The following WRN variants were observed in gnomAD, a reference collection of about 807,000 sequenced individuals.
WRN encodes the protein WRN RecQ like helicase, also known as bifunctional 3'-5' exonuclease/ATP-dependent helicase WRN.
A neutral mutation model predicts 180.7 loss-of-function variants in WRN; 149 were observed. That is an observed-to-expected ratio of 0.82 (90% CI 0.72 to 0.94). WRN has a LOEUF of 0.94. Ranked by LOEUF, WRN falls within the 40% of genes least tolerant of loss-of-function variation. WRN has a pLI of 0.00. For synonymous variants in WRN, 548 were observed against 568.9 expected (o/e 0.96, Z 0.52); for missense variants, 1,661 against 1,700.1 (o/e 0.98, Z 0.40).
chr8:31,042,095 T>C (rs1234567036), intron 1 of WRN, among the ~76,000 whole-genome samples: 1 of 152,148 alleles, frequency 6.6e-6, no homozygotes, highest in African/African-American at 2.4e-5. Flanking sequence ...ATTGTTGGAA[T>C]TGAGTTTCTA....
intron 31 of WRN, among the ~76,000 whole-genome samples, chr8:31,153,378 A>G (rs1803218036): frequency 6.6e-6 from 1 of 152,092 alleles, no homozygotes; most frequent in Admixed American, 6.6e-5. Context: ...TGAATAGCCA[A>G]CAATGCTTCC....
intron 23 of WRN, among the ~76,000 whole-genome samples, chr8:31,125,321 G>A (rs1357546145): frequency 2.0e-5 from 3 of 150,768 alleles, no homozygotes; most frequent in Non-Finnish European, 4.4e-5. Context: ...GAAATCCACT[G>A]TAATTATATA....
At chr8:31,146,352 C>T (rs1014090420) in intron 28 of WRN, among the ~76,000 whole-genome samples, 2 of 151,080 alleles carry the variant, frequency 1.3e-5, no homozygotes, top group Admixed American at 6.6e-5. Context: ...ATATTATATA[C>T]ACACTACTAA....
chr8:31,144,607 G>T (rs914484424), intron 28 of WRN, among the ~76,000 whole-genome samples: 7 of 152,148 alleles, frequency 4.6e-5, no homozygotes, highest in African/African-American at 1.7e-4. Flanking sequence ...AAAGTGCTGG[G>T]ATTACAGGTG....
chr8:31,056,627 C>T (rs180996631), intron 1 of WRN, among the ~76,000 whole-genome samples: 2 of 152,196 alleles, frequency 1.3e-5, no homozygotes, highest in East Asian at 3.9e-4. Context: ...ATGTACCTTT[C>T]TTTTGCATTA....
In WRN at chr8:31,138,923, C is replaced by A. The variant is rs547327216; in HGVS notation, c.2968-2507C>A. On this transcript the variant is annotated intron_variant, in intron 24 of 34. Coordinates refer to ENST00000298139, the MANE Select transcript of WRN (RefSeq NM_000553.6). ...CTAGCTTCCTTTTTGTGAAAGATCA[C>A]CCTTGCTTAGCCTATTTTTTGGCAA... Among the ~76,000 whole-genome samples the A allele has an allele frequency of 5.4e-5, 8 of 149,156 alleles. No individual in the cohort carries two copies. The East Asian group carries it at 1.0e-3, about 19-fold the overall frequency.
chr8:31,045,212 T>A (rs1421328722), intron 1 of WRN, among the ~76,000 whole-genome samples: 1 of 152,224 alleles, frequency 6.6e-6, no homozygotes, highest in Non-Finnish European at 1.5e-5. Flanking sequence ...TTTATTTATT[T>A]ATTGTATGTA....
At chr8:31,062,815 CTA>C (rs2130024273) in intron 3 of WRN, among the ~76,000 whole-genome samples, 1 of 152,192 alleles carries the variant, frequency 6.6e-6, no homozygotes, top group Non-Finnish European at 1.5e-5. Context: ...GAGATAACTT[CTA>C]TGAGTTTTGT....
chr8:31,125,537 G>GATACATATATATATATATATATATATAT (rs1554529384), intron 23 of WRN, among the ~76,000 whole-genome samples: 2 of 63,766 alleles, frequency 3.1e-5, no homozygotes, highest in Non-Finnish European at 6.1e-5. Context: ...ATATTATGGA[G>GATACATATATATATATATATATATATAT]ATATATATAT....
chr8:31,033,879 T>G lies in WRN; in HGVS notation c.-171T>G, dbSNP rs924500160. On this transcript the variant is annotated 5_prime_UTR_variant, in exon 1 of 35. Coordinates refer to ENST00000298139, the MANE Select transcript of WRN (RefSeq NM_000553.6). The stretch of plus-strand genomic sequence containing the variant: ...GCGGGAATAAAGTTTGCTGATTTGG[T>G]GTCTAGCCTGGATGCCTGGGTTGCA... 6.6e-6 allele frequency: 1 copy of G among 152,478 alleles called. No individual in the cohort carries two copies. The highest frequency in any genetic ancestry group is 6.5e-5 in the Admixed American group (1 of 15,284). The allele number at this position is 152,478 out of a possible 1,614,324, so 9.4% of individuals were successfully genotyped here. A position where few individuals can be genotyped will look rare whatever the true frequency, so the allele number is the denominator to read the frequency against.
In WRN at chr8:31,147,780, T is replaced by A. The variant is rs7014045; in HGVS notation, c.3572+304T>A. On this transcript the variant is annotated intron_variant, in intron 30 of 34. Transcript: ENST00000298139. ...TTTGGATTCTTTATTTTTGATTATCTTACCATCACATTTGTAGTCAGAGGT... is the reference window on the plus strand; with the variant it reads ...TTTGGATTCTTTATTTTTGATTATCATACCATCACATTTGTAGTCAGAGGT... 0.24 allele frequency among the ~76,000 whole-genome samples: 36,725 copies of A among 152,070 alleles called. 4,555 individuals are homozygous for A. The highest frequency in any genetic ancestry group is 0.29 in the South Asian group (1,389 of 4,814).
At chr8:31,109,923 G>GCTTA (rs908878515) in intron 18 of WRN, among the ~76,000 whole-genome samples, 45 of 152,114 alleles carry the variant, frequency 3.0e-4, no homozygotes, top group African/African-American at 1.0e-3. Flanking sequence ...CATGTTTCAT[G>GCTTA]CTTACTTCCT....
chr8:31,163,561 A>T (rs1182510024), intron 33 of WRN, among the ~76,000 whole-genome samples: 2 of 152,198 alleles, frequency 1.3e-5, no homozygotes, highest in Non-Finnish European at 2.9e-5. Context: ...CTGATATAGG[A>T]TATGGGTATA....
chr8:31,173,024 A>G lies in WRN; in HGVS notation c.4221A>G (p.Leu1407=), dbSNP rs1407505323. 5.0e-6 allele frequency: 8 copies of G among 1,613,828 alleles called. No individual in the cohort carries two copies. The change falls in exon 35 of 35, where the codon TTA becomes TTG. Residue 1407 remains leucine (L), a synonymous_variant. Transcript: ENST00000298139. ...ETSSAERKRR[L]PVWFAKGSDT... Reference sequence around the variant, plus strand: ...CATCTGCAGAGAGAAAGAGACGATTACCTGTGTGGTTTGCCAAAGGAAGTG... The same window carrying G: ...CATCTGCAGAGAGAAAGAGACGATTGCCTGTGTGGTTTGCCAAAGGAAGTG...
intron 33 of WRN, among the ~76,000 whole-genome samples, chr8:31,160,322 A>G (rs1377268270): frequency 6.6e-6 from 1 of 152,204 alleles, no homozygotes; most frequent in Admixed American, 6.5e-5. Context: ...AACCTGGTTA[A>G]TACCATTTGC....
At chr8:31,172,944 C>A in intron 34 of WRN, 51 bp from the exon 35 acceptor site, 1 of 1,562,084 alleles carries the variant, frequency 6.4e-7, no homozygotes, top group Non-Finnish European at 8.8e-7. Flanking sequence ...AACTAATACC[C>A]CTTCTCAGTA....
chr8:31,091,398 C>T (rs1324774165), intron 15 of WRN, among the ~76,000 whole-genome samples: 2 of 152,048 alleles, frequency 1.3e-5, no homozygotes, highest in African/African-American at 4.8e-5. Context: ...ATATCAAATA[C>T]ACTTGATCAA....
chr8:31,112,105 C>T (rs1353190065), intron 19 of WRN, among the ~76,000 whole-genome samples: 7 of 152,008 alleles, frequency 4.6e-5, no homozygotes, highest in Non-Finnish European at 1.0e-4. Flanking sequence ...GAGACAGGGT[C>T]TCTCTGTCGT....
At chr8:31,077,181 A>G (rs1813126171) in intron 8 of WRN, among the ~76,000 whole-genome samples, 1 of 152,172 alleles carries the variant, frequency 6.6e-6, no homozygotes, top group Admixed American at 6.5e-5. Flanking sequence ...TGTCAAAGTA[A>G]TTTGCCACCC....
Sources: allele counts gnomAD v4.1 joint callset (sites outside exome capture counted in the v4.1 genomes callset), GRCh38; gene constraint gnomAD v4.1.1; transcripts MANE v1.5; gene names NCBI Gene and HGNC (gene_info 2026-07-23, HGNC 2026-07-21).